The following CEP290 variants were observed in gnomAD, a reference collection of about 807,000 sequenced individuals.
CEP290 encodes centrosomal protein 290, also known as centrosomal protein of 290 kDa.
Under a neutral mutation model 344.9 loss-of-function variants are expected in CEP290, and 317 were observed. That is an observed-to-expected ratio of 0.92 (90% CI 0.84 to 1.01). The LOEUF (loss-of-function observed/expected upper bound fraction) is 1.01, where lower values mean the gene tolerates loss of function less well. CEP290 is among the 50% of genes least tolerant of loss of function. The pLI, the probability that CEP290 is intolerant of heterozygous loss-of-function variation, is 0.00. For synonymous variants in CEP290, 932 were observed against 895.8 expected (o/e 1.04, Z -0.72); for missense variants, 2,754 against 2,761.4 (o/e 1.00, Z 0.06).
At chr12:88,074,740 A>T (rs1179433306) in intron 41 of CEP290, among the ~76,000 whole-genome samples, 1 of 152,086 alleles carries the variant, frequency 6.6e-6, no homozygotes, top group African/African-American at 2.4e-5. Context: ...CCTGCCCCAT[A>T]CCCTAGGAGA....
Position 88,111,248 on chromosome 12 carries a change from G to A in CEP290, c.2321C>T (p.Ala774Val), listed in dbSNP as rs1475759325. 1.3e-6 allele frequency: 2 copies of A among 1,496,272 alleles called. No individual in the cohort carries two copies. The highest frequency in any genetic ancestry group is 2.6e-5 in the East Asian group (1 of 38,820). 92.7% of individuals were successfully genotyped at this position (1,496,272 alleles called of 1,614,324 possible). Residue 774 changes from alanine to valine, a missense_variant, in exon 22 of 54, where the codon GCC (alanine) becomes GTC (valine). Transcript: ENST00000552810. ...TTCATTCTGAGAATTAATGATACTG[G>A]CACTAGATGGTGCTATCCCATCAGG... ...DLPDGIAPSSASIINSQNEYL... is the reference protein window; with the variant it reads ...DLPDGIAPSSVSIINSQNEYL...
intron 31 of CEP290, among the ~76,000 whole-genome samples, chr12:88,088,640 TAAGC>T (rs1212248869): frequency 6.6e-6 from 1 of 152,194 alleles, no homozygotes; most frequent in East Asian, 1.9e-4. Context: ...ATTTGTATCT[TAAGC>T]ATTTTTCATA....
chr12:88,088,816 G>C (rs2036786239), intron 31 of CEP290, among the ~76,000 whole-genome samples: 1 of 152,076 alleles, frequency 6.6e-6, no homozygotes. Flanking sequence ...GTGACAAAGT[G>C]AGACCTTGTC....
rs374444169 is a variant in CEP290, at chr12:88,096,018, A to G, written c.3103+870T>C. On this transcript the variant is annotated intron_variant, in intron 27 of 53. Coordinates refer to ENST00000552810, the MANE Select transcript of CEP290 (RefSeq NM_025114.4). ...TCACTCAAACACATTAGGCTATTGTATAAGTATTTATAAGTATGATGAATA... is the reference window on the plus strand; with the variant it reads ...TCACTCAAACACATTAGGCTATTGTGTAAGTATTTATAAGTATGATGAATA... 1.8e-4 allele frequency among the ~76,000 whole-genome samples: 27 copies of G among 149,350 alleles called. 1 individual carries two copies. In the East Asian group the frequency reaches 4.6e-3, roughly 26 times the overall value.
At chr12:88,101,593 C>A (rs1274409198) in intron 26 of CEP290, among the ~76,000 whole-genome samples, 1 of 143,382 alleles carries the variant, frequency 7.0e-6, no homozygotes, top group African/African-American at 2.6e-5. Flanking sequence ...GCAGAGGATG[C>A]AGTAAGCGTT....
Position 88,111,239 on chromosome 12 carries a change from ATGATACTGGCACTAGATGG to A in CEP290, c.2311_2329del (p.Pro771LeufsTer8). 6.9e-7 allele frequency: 1 copy of A among 1,450,914 alleles called. No homozygotes were observed. Among genetic ancestry groups the A allele is most frequent in the Non-Finnish European group, 9.1e-7 (1 of 1,099,832 alleles). 89.9% of individuals were successfully genotyped at this position (1,450,914 alleles called of 1,614,324 possible). A position where few individuals can be genotyped will look rare whatever the true frequency, so the allele number is the denominator to read the frequency against. On this transcript the variant is annotated frameshift_variant, in exon 22 of 54. Coordinates refer to ENST00000552810, the MANE Select transcript of CEP290 (RefSeq NM_025114.4). LOFTEE classifies it high-confidence loss of function. ...TATTAAATATTCATTCTGAGAATTA[ATGATACTGGCACTAGATGG>A]TGCTATCCCATCAGGTAAGTCAATT...
chr12:88,137,503 A>C (rs557271971), intron 5 of CEP290, among the ~76,000 whole-genome samples: 1 of 152,158 alleles, frequency 6.6e-6, no homozygotes, highest in Non-Finnish European at 1.5e-5. Context: ...TTGGTCATCT[A>C]ATGTGTCTCA....
chr12:88,060,385 C>A (rs2034377847), intron 47 of CEP290, among the ~76,000 whole-genome samples: 1 of 152,118 alleles, frequency 6.6e-6, no homozygotes, highest in African/African-American at 2.4e-5. Context: ...TGGTGAAACC[C>A]CATCTCTACT....
At chr12:88,109,544 T>C (rs1207905961) in intron 22 of CEP290, among the ~76,000 whole-genome samples, 1 of 152,206 alleles carries the variant, frequency 6.6e-6, no homozygotes, top group Non-Finnish European at 1.5e-5. Flanking sequence ...AAAGATGAAA[T>C]TGAAATTTAA....
intron 3 of CEP290, among the ~76,000 whole-genome samples, chr12:88,140,037 T>C (rs1024275285): frequency 1.3e-5 from 2 of 152,194 alleles, no homozygotes; most frequent in African/African-American, 4.8e-5. Flanking sequence ...ATTACAGACG[T>C]GAGCCACCAT....
chr12:88,078,793 CTCTAAAAAAATAATAAAG>C (rs1011081212), intron 39 of CEP290, among the ~76,000 whole-genome samples: 2 of 151,770 alleles, frequency 1.3e-5, no homozygotes, highest in Non-Finnish European at 2.9e-5. Context: ...CCTAAAATTG[CTCTAAAAAAATAATAAAG>C]TCTTAAAAAA....
intron 26 of CEP290, among the ~76,000 whole-genome samples, chr12:88,098,436 C>T (rs2037619689): frequency 6.6e-6 from 1 of 151,688 alleles, no homozygotes; most frequent in Non-Finnish European, 1.5e-5. Context: ...AAAGTGAGAC[C>T]TCATCTCTAC....
At chr12:88,109,521 A>G (rs2038528070) in intron 22 of CEP290, among the ~76,000 whole-genome samples, 1 of 152,198 alleles carries the variant, frequency 6.6e-6, no homozygotes, top group Non-Finnish European at 1.5e-5. Flanking sequence ...ATCCTTTCCA[A>G]TTATTTCATT....
At chr12:88,119,950 A>C (rs1176857749) in intron 15 of CEP290, among the ~76,000 whole-genome samples, 164 bp downstream of exon 15, 1 of 152,054 alleles carries the variant, frequency 6.6e-6, no homozygotes, top group Non-Finnish European at 1.5e-5. Flanking sequence ...ATCTGATTCC[A>C]CTTCAATCAG....
intron 50 of CEP290, 66 bp downstream of exon 50, chr12:88,055,510 A>G: frequency 7.2e-7 from 1 of 1,392,740 alleles, no homozygotes; most frequent in Non-Finnish European, 9.7e-7. Context: ...TATATAAGAC[A>G]ATGCAAGGAA....
chr12:88,061,719 T>C (rs1205559994), intron 46 of CEP290, among the ~76,000 whole-genome samples: 1 of 152,132 alleles, frequency 6.6e-6, no homozygotes, highest in Non-Finnish European at 1.5e-5. Context: ...AATTAACACA[T>C]ATTTTCATTG....
chr12:88,060,493 G>C (rs1003370619), intron 47 of CEP290, among the ~76,000 whole-genome samples: 4 of 152,128 alleles, frequency 2.6e-5, no homozygotes, highest in Admixed American at 2.0e-4. Context: ...CCGGGAGGCA[G>C]AGCTTGCAGT....
intron 26 of CEP290, among the ~76,000 whole-genome samples, chr12:88,102,608 G>A (rs2037975274): frequency 2.0e-5 from 3 of 151,260 alleles, no homozygotes. Flanking sequence ...TAATCATTCA[G>A]AAGTCATTCA....
intron 25 of CEP290, chr12:88,103,978 A>G (rs1419631631): frequency 6.6e-6 from 1 of 152,078 alleles, no homozygotes; most frequent in Non-Finnish European, 1.5e-5. Flanking sequence ...GTTGGGAGAA[A>G]AAAATCAAGT....
Sources: gnomAD v4.1 joint callset for allele counts (sites outside exome capture counted in the v4.1 genomes callset) on GRCh38, gnomAD v4.1.1 for gene constraint, MANE v1.5 for transcripts, NCBI Gene and HGNC (gene_info 2026-07-23, HGNC 2026-07-21) for gene names.